The following COL24A1 variants were observed in gnomAD, a reference collection of about 807,000 sequenced individuals.
The protein encoded by COL24A1 is collagen alpha-1(XXIV) chain.
COL24A1 carries 224 observed loss-of-function variants against 253.9 expected under a neutral mutation model. That is an observed-to-expected ratio of 0.88 (90% CI 0.79 to 0.99). The LOEUF is 0.99. Ranked by LOEUF, COL24A1 falls within the 50% of genes least tolerant of loss-of-function variation. The probability of loss-of-function intolerance (pLI) is 0.00; values close to 1 mark genes in which losing one functional copy is unlikely to be tolerated. For missense variants in COL24A1, 2,131 were observed against 2,068.5 expected, an observed-to-expected ratio of 1.03 and a Z score of -0.59; for synonymous variants, 685 against 673.7, an observed-to-expected ratio of 1.02 and a Z score of -0.26.
intron 24 of COL24A1, among the ~76,000 whole-genome samples, chr1:85,950,908 A>C (rs1294735052): frequency 2.0e-5 from 3 of 152,162 alleles, no homozygotes; most frequent in Non-Finnish European, 4.4e-5. Context: ...GTGAGCTGTG[A>C]CTCATTGTGC....
At chr1:85,849,468 G>A in intron 37 of COL24A1, 62 bp from the exon 38 acceptor site, 6 of 1,194,182 alleles carry the variant, frequency 5.0e-6, no homozygotes, top group African/African-American at 1.5e-5. Context: ...TGGAGTATTT[G>A]AATACTTCTA....
At chr1:86,120,012 C>A (rs551771296) in intron 3 of COL24A1, among the ~76,000 whole-genome samples, 1 of 152,064 alleles carries the variant, frequency 6.6e-6, no homozygotes, top group Non-Finnish European at 1.5e-5. Context: ...TCTGATCTTT[C>A]ACAAACCTGA....
At chr1:86,006,001 G>A (rs1317002055) in intron 19 of COL24A1, among the ~76,000 whole-genome samples, 1 of 152,172 alleles carries the variant, frequency 6.6e-6, no homozygotes, top group African/African-American at 2.4e-5. Flanking sequence ...CTAATACTTA[G>A]TTATGAACCT....
chr1:85,772,256 G>A (rs1239649490), intron 53 of COL24A1, among the ~76,000 whole-genome samples: 4 of 151,768 alleles, frequency 2.6e-5, no homozygotes, highest in Non-Finnish European at 5.9e-5. Flanking sequence ...ACTACAATGA[G>A]ATACCATCTC....
At chr1:86,097,281 C>G (rs2102009688) in intron 5 of COL24A1, among the ~76,000 whole-genome samples, 3 of 152,288 alleles carry the variant, frequency 2.0e-5, no homozygotes, top group African/African-American at 7.2e-5. Context: ...CTACTCTACA[C>G]AGACTTTTTT....
At chr1:85,820,364 G>A (rs1289050976) in intron 45 of COL24A1, among the ~76,000 whole-genome samples, 1 of 152,190 alleles carries the variant, frequency 6.6e-6, no homozygotes, top group East Asian at 1.9e-4. Context: ...GTGGGGAGCA[G>A]AGAATGTTAT....
At chr1:85,875,899 T>C (rs1571030582) in intron 33 of COL24A1, among the ~76,000 whole-genome samples, 2 of 152,058 alleles carry the variant, frequency 1.3e-5, no homozygotes, top group East Asian at 3.9e-4. Flanking sequence ...TACTATTGCT[T>C]GATGTTACAA....
Position 85,783,538 on chromosome 1 carries a change from G to A in COL24A1, c.4242C>T (p.Gly1414=). The part of the protein sequence containing the change: ...PGPKGPEGDA[G]IVGISGPKGP... Reference sequence around the variant, plus strand: ...CTTTAGGACCTGATATCCCAACAATGCCAGCATCCCCTTCAGGACCCTAGA... The same window carrying A: ...CTTTAGGACCTGATATCCCAACAATACCAGCATCCCCTTCAGGACCCTAGA... The change falls in exon 51 of 60, where the codon GGC becomes GGT. Residue 1414 remains glycine (G), a synonymous_variant. Transcript: ENST00000370571. 6.2e-7 allele frequency: 1 copy of A among 1,613,250 alleles called. No homozygotes were observed. Among genetic ancestry groups the A allele is most frequent in the Non-Finnish European group, 8.5e-7 (1 of 1,179,476 alleles).
rs572989533 is a variant in COL24A1 at position 85,854,434 on chromosome 1, C to A, written c.3301-5028G>T. On this transcript the variant is annotated intron_variant, in intron 37 of 59. Transcript: ENST00000370571. ...GCTCTATTCTTCTTGCTTAGGATTA[C>A]TTTGGCTACTTGGGCTCTTTTTTGA... Among the ~76,000 whole-genome samples, 36 of 152,250 alleles carry A rather than the reference C, an allele frequency of 2.4e-4. 2 individuals carry two copies. The South Asian group carries it at 7.2e-3, about 31-fold the overall frequency.
chr1:85,997,157 G>C (rs1694902062), intron 19 of COL24A1, among the ~76,000 whole-genome samples: 1 of 150,360 alleles, frequency 6.7e-6, no homozygotes, highest in Admixed American at 6.7e-5. Flanking sequence ...CTTGGCCTTA[G>C]ACATGTAAGC....
chr1:85,838,081 T>C (rs529747519), intron 43 of COL24A1, among the ~76,000 whole-genome samples: 1 of 152,126 alleles, frequency 6.6e-6, no homozygotes, highest in African/African-American at 2.4e-5. Context: ...TATAAAGGTA[T>C]TTAGCCACCT....
intron 14 of COL24A1, among the ~76,000 whole-genome samples, chr1:86,023,608 T>C (rs1697757176): frequency 6.6e-6 from 1 of 152,064 alleles, no homozygotes; most frequent in African/African-American, 2.4e-5. Flanking sequence ...GAGACACTGT[T>C]GAAGAAAAAA....
At chr1:85,861,925 C>G (rs1679196878) in intron 37 of COL24A1, among the ~76,000 whole-genome samples, 1 of 152,150 alleles carries the variant, frequency 6.6e-6, no homozygotes, top group Non-Finnish European at 1.5e-5. Flanking sequence ...ATTCTCACCT[C>G]TATATCTTGG....
intron 53 of COL24A1, among the ~76,000 whole-genome samples, chr1:85,764,198 C>A (rs1208672658): frequency 6.6e-6 from 1 of 152,034 alleles, no homozygotes; most frequent in Non-Finnish European, 1.5e-5. Context: ...AGCTTCTACC[C>A]ACTAGATGCC....
At chr1:85,937,920 G>A (rs929394967) in intron 24 of COL24A1, among the ~76,000 whole-genome samples, 2 of 147,330 alleles carry the variant, frequency 1.4e-5, no homozygotes, top group African/African-American at 2.5e-5. Flanking sequence ...TTTACCATAT[G>A]GGATCCCCAA....
At chr1:86,123,928 A>T (rs1447823606) in intron 3 of COL24A1, among the ~76,000 whole-genome samples, 1 of 151,974 alleles carries the variant, frequency 6.6e-6, no homozygotes, top group Non-Finnish European at 1.5e-5. Context: ...CCAAAGACTC[A>T]AATTTTATTT....
chr1:86,113,756 G>T (rs1454176149), intron 4 of COL24A1, among the ~76,000 whole-genome samples: 1 of 134,088 alleles, frequency 7.5e-6, no homozygotes, highest in Non-Finnish European at 1.5e-5. Flanking sequence ...GATGGCTTCA[G>T]CCCTGGAGAT....
At chr1:85,732,876 A>C (rs1257190574) in intron 59 of COL24A1, among the ~76,000 whole-genome samples, 1 of 152,216 alleles carries the variant, frequency 6.6e-6, no homozygotes, top group African/African-American at 2.4e-5. Flanking sequence ...TGTTGATATT[A>C]TTATCCCTAT....
chr1:85,939,920 TATAA>T (rs149927809), intron 24 of COL24A1, among the ~76,000 whole-genome samples: 2,579 of 150,332 alleles, frequency 0.017, 76 homozygotes, highest in African/African-American at 0.062. Flanking sequence ...GAAGTAGTAG[TATAA>T]ATAAATAAAA....
Sources: allele counts gnomAD v4.1 joint callset (sites outside exome capture counted in the v4.1 genomes callset), GRCh38; gene constraint gnomAD v4.1.1; transcripts MANE v1.5; gene names NCBI Gene and HGNC (gene_info 2026-07-23, HGNC 2026-07-21).